Variants in TULP4 observed in about 807,000 individuals in gnomAD.
TULP4 encodes TUB like protein 4.
Under a neutral mutation model 129.0 loss-of-function variants are expected in TULP4, and 16 were observed. The ratio of observed to expected loss-of-function variants is 0.12; its 90% confidence interval spans 0.08 to 0.19. The LOEUF (loss-of-function observed/expected upper bound fraction) is 0.19. TULP4 is among the 10% of genes least tolerant of loss of function. The probability of loss-of-function intolerance (pLI) is 1.00; values close to 1 mark genes in which losing one functional copy is unlikely to be tolerated. For missense variants in TULP4, 1,842 were observed against 2,059.1 expected, an observed-to-expected ratio of 0.89 and a Z score of 2.04; for synonymous variants, 998 against 854.0, an observed-to-expected ratio of 1.17 and a Z score of -2.94.
intron 9 of TULP4, among the ~76,000 whole-genome samples, chr6:158,491,499 TC>T (rs1562589288): frequency 5.3e-4 from 20 of 38,056 alleles, no homozygotes; most frequent in East Asian, 1.8e-3. Flanking sequence ...TTTCTTTCTT[TC>T]TTTCTTTCTT....
At chr6:158,307,924 C>T (rs149270246), upstream of TULP4, among the ~76,000 whole-genome samples, 383 of 151,824 alleles carry the variant, frequency 2.5e-3, 1 homozygote, top group African/African-American at 8.8e-3. Flanking sequence ...GTGGGGAGCT[C>T]GCAAGCTCAT....
chr6:158,247,561 A>C (rs1177824271), intron 1 of TULP4, among the ~76,000 whole-genome samples: 1 of 152,254 alleles, frequency 6.6e-6, no homozygotes, highest in Non-Finnish European at 1.5e-5. Flanking sequence ...TGTCAAGGAC[A>C]AAAGGAAGAT....
Position 158,479,888 on chromosome 6 carries a change from C to T in TULP4, c.1164C>T (p.Thr388=). 1 of 1,613,460 alleles carries T rather than the reference C, an allele frequency of 6.2e-7. No individual in the cohort carries two copies. Among genetic ancestry groups the T allele is most frequent in the Non-Finnish European group, 8.5e-7 (1 of 1,180,042 alleles). Residue 388 remains threonine, a synonymous_variant, in exon 7 of 14, where the codon ACC becomes ACT. Transcript: ENST00000367097. ...QLLCQQAIAS[T]LREDKDVSKL... is the part of the protein sequence containing the mutation. Reference sequence around the variant, plus strand: ...TGTGCCAGCAGGCCATCGCCAGCACCTTGCGTGAGGACAAGGACGTCAGCA... The same window carrying T: ...TGTGCCAGCAGGCCATCGCCAGCACTTTGCGTGAGGACAAGGACGTCAGCA...
At chr6:158,303,030 C>T (rs1384202100) in intron 1 of TULP4, among the ~76,000 whole-genome samples, 1 of 148,512 alleles carries the variant, frequency 6.7e-6, no homozygotes, top group Non-Finnish European at 1.5e-5. Flanking sequence ...ATAATAGAAA[C>T]ATCAGACCCA....
chr6:158,353,584 C>G (rs1398964171), intron 1 of TULP4, among the ~76,000 whole-genome samples: 1 of 152,146 alleles, frequency 6.6e-6, no homozygotes, highest in African/African-American at 2.4e-5. Flanking sequence ...TCTGCACTAC[C>G]TGAAAATACC....
At chr6:158,444,418 G>A (rs1038822084) in intron 3 of TULP4, among the ~76,000 whole-genome samples, 1 of 151,820 alleles carries the variant, frequency 6.6e-6, no homozygotes, top group African/African-American at 2.4e-5. Flanking sequence ...GTTTTTTAAT[G>A]TATTCCCCCA....
chr6:158,352,492 G>C (rs1780548698), intron 1 of TULP4, among the ~76,000 whole-genome samples: 1 of 152,166 alleles, frequency 6.6e-6, no homozygotes. Flanking sequence ...CACCTCCCGG[G>C]TTCAAGTGAT....
At chr6:158,483,741 A>G (rs192461857) in intron 8 of TULP4, among the ~76,000 whole-genome samples, 1 of 152,190 alleles carries the variant, frequency 6.6e-6, no homozygotes, top group East Asian at 1.9e-4. Context: ...ACACGTTCCT[A>G]GGCTTACCCT....
intron 5 of TULP4, 136 bp from the exon 6 acceptor site, chr6:158,461,427 G>T: frequency 5.5e-6 from 4 of 726,826 alleles, no homozygotes; most frequent in Non-Finnish European, 8.3e-6. Context: ...AAAAAAAAAA[G>T]GAAAAAACCA....
At chr6:158,332,246 A>C in intron 1 of TULP4, among the ~76,000 whole-genome samples, 1 of 146,572 alleles carries the variant, frequency 6.8e-6, no homozygotes, top group Non-Finnish European at 1.5e-5. Flanking sequence ...AAAGAGAGAA[A>C]CAGTAAGATA....
rs191246273 is a variant in TULP4 at position 158,448,296 on chromosome 6, G to T, written c.544-700G>T. 3.9e-5 allele frequency among the ~76,000 whole-genome samples: 6 copies of T among 152,194 alleles called. No individual in the cohort carries two copies. In the East Asian group the frequency reaches 1.2e-3, roughly 29 times the overall value. On this transcript the variant is annotated intron_variant, in intron 3 of 13. Coordinates refer to ENST00000367097, the MANE Select transcript of TULP4 (RefSeq NM_020245.5). ...CACTGTGGTAGCAAAAGCCCACCTG[G>T]GCCACACCAGCAAAACTAGCGCCTA...
At chr6:158,480,930 C>T (rs940840572) in intron 7 of TULP4, 125 bp from the exon 8 acceptor site, 1 of 800,670 alleles carries the variant, frequency 1.2e-6, no homozygotes, top group African/African-American at 1.7e-5. Flanking sequence ...TTCCCCAGGC[C>T]CCCAGCCTGT....
intron 1 of TULP4, among the ~76,000 whole-genome samples, chr6:158,268,363 T>C (rs972383590): frequency 6.6e-6 from 1 of 152,134 alleles, no homozygotes; most frequent in Non-Finnish European, 1.5e-5. Context: ...TAATGGGACT[T>C]TGGGGAGAGG....
chr6:158,490,119 C>T (rs1375922284), intron 9 of TULP4, among the ~76,000 whole-genome samples: 8 of 152,170 alleles, frequency 5.3e-5, no homozygotes, highest in African/African-American at 1.9e-4. Context: ...ATGCTGGAGC[C>T]GGGCACAGTG....
chr6:158,461,786 A>G (rs1779433961), intron 6 of TULP4, 57 bp downstream of exon 6: 1 of 1,521,404 alleles, frequency 6.6e-7, no homozygotes, highest in African/African-American at 1.4e-5. Flanking sequence ...TGAATAGGTT[A>G]TTATAATTAT....
intron 3 of TULP4, 100 bp from the exon 4 acceptor site, chr6:158,448,896 T>C: frequency 7.9e-7 from 1 of 1,259,832 alleles, no homozygotes; most frequent in Non-Finnish European, 1.1e-6. Context: ...TTTTTAGTTC[T>C]AAATGTATAT....
chr6:158,241,880 A>G (rs1777924923), intron 1 of TULP4: 2 of 712,858 alleles, frequency 2.8e-6, no homozygotes. Context: ...GGCATGAGCC[A>G]CCGCGCCAGG....
At chr6:158,350,133 A>T (rs1328416779) in intron 1 of TULP4, among the ~76,000 whole-genome samples, 1 of 79,792 alleles carries the variant, frequency 1.3e-5, no homozygotes, top group Non-Finnish European at 2.5e-5. Context: ...ATTCGGGGCA[A>T]CCGAGCAGAG....
intron 3 of TULP4, among the ~76,000 whole-genome samples, chr6:158,435,552 C>T (rs1332342886): frequency 6.6e-6 from 1 of 152,134 alleles, no homozygotes; most frequent in East Asian, 1.9e-4. Context: ...CTCGGTCCCC[C>T]TTCCTAGGTT....
Sources: allele counts gnomAD v4.1 joint callset (sites outside exome capture counted in the v4.1 genomes callset), GRCh38; gene constraint gnomAD v4.1.1; transcripts MANE v1.5; gene names NCBI Gene and HGNC (gene_info 2026-07-23, HGNC 2026-07-21).